TNNI3K: variants seen among roughly 807,000 people sequenced by gnomAD.
TNNI3K encodes the protein serine/threonine-protein kinase TNNI3K.
In TNNI3K, 140 loss-of-function variants were observed where a neutral mutation model predicts 114.5. That is an observed-to-expected ratio of 1.22 (90% CI 1.07 to 1.41). TNNI3K has a LOEUF of 1.41. Ranked by LOEUF, TNNI3K falls within the 40% of genes most tolerant of loss-of-function variation. The pLI is 0.00. For missense variants in TNNI3K, 1,125 were observed against 1,007.6 expected (o/e 1.12, Z -1.58); for synonymous variants, 347 against 347.5 (o/e 1.00, Z 0.02).
At chr1:74,353,450 T>C in intron 10 of TNNI3K, 90 bp downstream of exon 10, 1 of 1,380,524 alleles carries the variant, frequency 7.2e-7, no homozygotes, top group Non-Finnish European at 1.0e-6. Context: ...GCATTGGGAG[T>C]GCTCAACTCC....
chr1:74,393,231 ATTGAG>A (rs1663884994), intron 17 of TNNI3K, among the ~76,000 whole-genome samples: 1 of 152,004 alleles, frequency 6.6e-6, no homozygotes, highest in African/African-American at 2.4e-5. Context: ...GGACAGGAAT[ATTGAG>A]TTAGTTAGGG....
intron 20 of TNNI3K, among the ~76,000 whole-genome samples, chr1:74,458,124 G>A (rs927289342): frequency 6.6e-6 from 1 of 152,156 alleles, no homozygotes; most frequent in Non-Finnish European, 1.5e-5. Context: ...AGCCAACAAT[G>A]TGCCTGGAGC....
intron 21 of TNNI3K, among the ~76,000 whole-genome samples, chr1:74,488,851 T>C (rs1373151300): frequency 6.6e-6 from 1 of 152,232 alleles, no homozygotes; most frequent in East Asian, 1.9e-4. Flanking sequence ...GGCACTGAGA[T>C]AGTTAATAGT....
intron 9 of TNNI3K, among the ~76,000 whole-genome samples, chr1:74,349,460 T>C (rs1045681464): frequency 6.6e-6 from 1 of 152,190 alleles, no homozygotes; most frequent in African/African-American, 2.4e-5. Context: ...TGCCAGCCTT[T>C]GGTATCAGGA....
intron 5 of TNNI3K, among the ~76,000 whole-genome samples, chr1:74,277,596 G>A (rs1179839625): frequency 1.3e-5 from 2 of 152,114 alleles, no homozygotes; most frequent in Admixed American, 6.5e-5. Context: ...CACCTCAAGT[G>A]TAAAACACTT....
chr1:74,448,132 G>C (rs1666788304), intron 20 of TNNI3K, among the ~76,000 whole-genome samples: 2 of 101,630 alleles, frequency 2.0e-5, no homozygotes, highest in African/African-American at 8.4e-5. Flanking sequence ...AGGGGGGAGG[G>C]ATAGCATTGG....
intron 23 of TNNI3K, among the ~76,000 whole-genome samples, chr1:74,494,151 C>A (rs1453025292): frequency 6.6e-6 from 1 of 152,152 alleles, no homozygotes; most frequent in Non-Finnish European, 1.5e-5. Context: ...AGCATTTGCA[C>A]ACGGCCCAGT....
chr1:74,516,486 G>C (rs186208413), intron 23 of TNNI3K, among the ~76,000 whole-genome samples: 49 of 152,318 alleles, frequency 3.2e-4, no homozygotes, highest in Non-Finnish European at 5.9e-4. Context: ...GTGGGGCTTA[G>C]TATGTGAGAA....
intron 23 of TNNI3K, among the ~76,000 whole-genome samples, chr1:74,498,527 G>C (rs913778074): frequency 1.3e-5 from 2 of 151,930 alleles, no homozygotes; most frequent in Non-Finnish European, 2.9e-5. Flanking sequence ...ATTGCATGTG[G>C]TGAATATTAA....
At chr1:74,388,550 T>A (rs1163580240) in intron 17 of TNNI3K, among the ~76,000 whole-genome samples, 2 of 152,164 alleles carry the variant, frequency 1.3e-5, no homozygotes, top group African/African-American at 2.4e-5. Flanking sequence ...GACTTCGTCT[T>A]TTCTCAGCCA....
chr1:74,343,897 C>A (rs1400916731), intron 9 of TNNI3K, among the ~76,000 whole-genome samples: 1 of 152,138 alleles, frequency 6.6e-6, no homozygotes, highest in African/African-American at 2.4e-5. Flanking sequence ...AAATCTAAGG[C>A]TTTCATTTTT....
At chr1:74,356,980 A>G (rs867096863) in intron 11 of TNNI3K, among the ~76,000 whole-genome samples, 1 of 152,162 alleles carries the variant, frequency 6.6e-6, no homozygotes, top group Non-Finnish European at 1.5e-5. Flanking sequence ...TCAAATGACA[A>G]ATGGAATTGT....
chr1:74,524,170 A>G (rs1646471567), intron 23 of TNNI3K, among the ~76,000 whole-genome samples: 1 of 152,236 alleles, frequency 6.6e-6, no homozygotes, highest in Admixed American at 6.5e-5. Flanking sequence ...TTCTTTGTGA[A>G]AAGTCTTTAA....
chr1:74,315,492 G>T (rs971749420), intron 5 of TNNI3K, among the ~76,000 whole-genome samples: 2 of 151,778 alleles, frequency 1.3e-5, no homozygotes, highest in South Asian at 4.2e-4. Context: ...TGGAGACTTG[G>T]TTTGGTAAAT....
At chr1:74,326,947 G>A (rs1240222309) in intron 5 of TNNI3K, among the ~76,000 whole-genome samples, 2 of 151,948 alleles carry the variant, frequency 1.3e-5, no homozygotes, top group Non-Finnish European at 2.9e-5. Context: ...TGGGCGTGGT[G>A]GTGCACAACT....
At chr1:74,538,189 G>T (rs1197354719) in intron 23 of TNNI3K, among the ~76,000 whole-genome samples, 6 of 152,110 alleles carry the variant, frequency 3.9e-5, no homozygotes, top group Non-Finnish European at 8.8e-5. Context: ...CAGTTTTTTA[G>T]TCTGGCTTGA....
intron 20 of TNNI3K, among the ~76,000 whole-genome samples, chr1:74,447,781 A>C (rs1087084): frequency 3.2e-3 from 15 of 4,682 alleles, no homozygotes; most frequent in African/African-American, 0.018. Flanking sequence ...AATGAGTATA[A>C]ATCATGCTGC....
intron 17 of TNNI3K, among the ~76,000 whole-genome samples, chr1:74,391,229 G>A (rs981500722): frequency 2.0e-5 from 3 of 152,242 alleles, no homozygotes; most frequent in Admixed American, 2.0e-4. Context: ...CCTTTATGGA[G>A]GTTATATTTT....
At chr1:74,250,543 A>G in intron 3 of TNNI3K, 129 bp from the exon 4 acceptor site, 1 of 722,648 alleles carries the variant, frequency 1.4e-6, no homozygotes, top group Non-Finnish European at 2.1e-6. Flanking sequence ...AGAAAACTTT[A>G]CAAATGGCCT....
Sources: allele counts gnomAD v4.1 joint callset (sites outside exome capture counted in the v4.1 genomes callset), GRCh38; gene constraint gnomAD v4.1.1; transcripts MANE v1.5; gene names NCBI Gene and HGNC (gene_info 2026-07-23, HGNC 2026-07-21).